Variants in TMEFF2 observed in about 807,000 individuals in gnomAD.
TMEFF2 encodes the protein tomoregulin-2.
TMEFF2 carries 28 observed loss-of-function variants against 53.8 expected under a neutral mutation model. The observed-to-expected ratio is 0.52, with a 90% confidence interval of 0.39 to 0.71. TMEFF2 has a LOEUF of 0.71. Among genes scored for constraint, TMEFF2 ranks in the 30% least tolerant of loss-of-function variants. TMEFF2 has a pLI of 0.00. For missense variants in TMEFF2, 353 were observed against 455.2 expected (o/e 0.78, Z 2.04); for synonymous variants, 162 against 166.3 (o/e 0.97, Z 0.20).
At chr2:191,964,376 T>C (rs867810613) in intron 7 of TMEFF2, among the ~76,000 whole-genome samples, 1,120 of 27,448 alleles carry the variant, frequency 0.041, 16 homozygotes, top group Middle Eastern at 0.14. Context: ...TTCTTTCTCT[T>C]TCTTTCTTTC....
At chr2:192,156,616 G>T (rs1253020116) in intron 4 of TMEFF2, among the ~76,000 whole-genome samples, 1 of 151,974 alleles carries the variant, frequency 6.6e-6, no homozygotes, top group Non-Finnish European at 1.5e-5. Flanking sequence ...TATAAACAGG[G>T]TATATCACCA....
At chr2:192,178,923 A>C (rs1691116939) in intron 4 of TMEFF2, 5 of 151,144 alleles carry the variant, frequency 3.3e-5, no homozygotes, top group Non-Finnish European at 7.4e-5. Flanking sequence ...TAAAAGTCTA[A>C]TTTTGTTTGA....
At chr2:192,165,109 C>T (rs900576676) in intron 4 of TMEFF2, among the ~76,000 whole-genome samples, 5 of 152,016 alleles carry the variant, frequency 3.3e-5, no homozygotes, top group Non-Finnish European at 5.9e-5. Context: ...TGCCGTATTT[C>T]TCCTTAATAG....
chr2:192,105,880 A>T (rs1252122619), intron 4 of TMEFF2, among the ~76,000 whole-genome samples: 2 of 151,934 alleles, frequency 1.3e-5, no homozygotes, highest in Non-Finnish European at 2.9e-5. Context: ...TTGTGTCAGA[A>T]ATAGGGTGCT....
intron 7 of TMEFF2, among the ~76,000 whole-genome samples, chr2:191,958,947 A>G (rs559569201): frequency 6.6e-6 from 1 of 152,352 alleles, no homozygotes; most frequent in African/African-American, 2.4e-5. Flanking sequence ...GACATATTTT[A>G]GAAACAAGAT....
chr2:192,194,826 G>A lies in TMEFF2; in HGVS notation c.-302C>T, dbSNP rs1691567120. On this transcript the variant is annotated 5_prime_UTR_variant, in exon 1 of 10. Transcript: ENST00000272771. This position sits in a 1 kb window ranked among gnomAD's most constrained non-coding sequence, Gnocchi z 4.2. ...GGAAGCCGGAGGACAGGAGGAGACG[G>A]GAGTCCAGGGGCAGACGAGTGGAGC... 4.8e-6 allele frequency: 2 copies of A among 413,736 alleles called. No homozygotes were observed. Among genetic ancestry groups the A allele is most frequent in the South Asian group, 2.5e-5 (1 of 39,488 alleles). The allele number at this position is 413,736 out of a possible 1,614,324, so 25.6% of individuals were successfully genotyped here. A position where few individuals can be genotyped will look rare whatever the true frequency, so the allele number is the denominator to read the frequency against.
chr2:191,975,281 T>TG (rs397952333), intron 7 of TMEFF2, among the ~76,000 whole-genome samples: 4 of 116,138 alleles, frequency 3.4e-5, no homozygotes, highest in Admixed American at 9.0e-5. Flanking sequence ...TTTTTTTTTT[T>TG]GCCTAAAAAG....
intron 4 of TMEFF2, among the ~76,000 whole-genome samples, chr2:192,169,171 A>C (rs1307877934): frequency 2.0e-5 from 3 of 152,164 alleles, no homozygotes; most frequent in African/African-American, 7.2e-5. Flanking sequence ...ATTTGAATGA[A>C]TCAGACTGAT....
chr2:192,018,273 A>G (rs771519350), intron 5 of TMEFF2, among the ~76,000 whole-genome samples: 2 of 152,208 alleles, frequency 1.3e-5, no homozygotes, highest in African/African-American at 4.8e-5. Flanking sequence ...AGGAAAAACT[A>G]TCTAGCTGTG....
chr2:192,130,571 A>T (rs1295522079), intron 4 of TMEFF2, among the ~76,000 whole-genome samples: 1 of 151,978 alleles, frequency 6.6e-6, no homozygotes, highest in East Asian at 1.9e-4. Flanking sequence ...AACCCTGTGA[A>T]TTTCCTTCTC....
chr2:191,979,074 G>A (rs1456434456), intron 7 of TMEFF2, among the ~76,000 whole-genome samples: 1 of 152,126 alleles, frequency 6.6e-6, no homozygotes, highest in Non-Finnish European at 1.5e-5. Flanking sequence ...CTATATGGTA[G>A]TTTACATATT....
chr2:192,140,082 G>A (rs1375932859), intron 4 of TMEFF2, among the ~76,000 whole-genome samples: 1 of 152,120 alleles, frequency 6.6e-6, no homozygotes, highest in Non-Finnish European at 1.5e-5. Context: ...ATCTTGACAG[G>A]TTAAAGGGAT....
At chr2:192,133,702 C>A (rs910395326) in intron 4 of TMEFF2, among the ~76,000 whole-genome samples, 16 of 152,212 alleles carry the variant, frequency 1.1e-4, no homozygotes, top group African/African-American at 2.4e-5. Context: ...ACGGGTCATC[C>A]CAGCCTCTCT....
Position 191,949,481 on chromosome 2 carries a change from A to G in TMEFF2, c.*830T>C. ...TGAGAATTCACGATTTTGGTGTTTC[A>G]CATCTAGTGGTGTTATTACATTTTT... On this transcript the variant is annotated 3_prime_UTR_variant, in exon 10 of 10. Coordinates refer to ENST00000272771, the MANE Select transcript of TMEFF2 (RefSeq NM_016192.4). 1.0e-6 allele frequency: 1 copy of G among 985,348 alleles called. No individual in the cohort carries two copies. The highest frequency in any genetic ancestry group is 1.2e-6 in the Non-Finnish European group (1 of 829,916). The allele number at this position is 985,348 out of a possible 1,614,324, so 61.0% of individuals were successfully genotyped here. A position where few individuals can be genotyped will look rare whatever the true frequency, so the allele number is the denominator to read the frequency against.
chr2:192,182,582 T>C (rs923750017), intron 3 of TMEFF2, among the ~76,000 whole-genome samples: 2 of 151,964 alleles, frequency 1.3e-5, no homozygotes, highest in African/African-American at 4.8e-5. Flanking sequence ...AATGTGATTA[T>C]ATGCGCTGAC....
At chr2:192,044,451 A>G (rs1025199563) in intron 5 of TMEFF2, 2 of 152,208 alleles carry the variant, frequency 1.3e-5, no homozygotes, top group East Asian at 1.9e-4. Flanking sequence ...AAAGAGGAAC[A>G]ATGCCTAGTG....
chr2:192,057,454 A>T (rs1306632122), intron 5 of TMEFF2, among the ~76,000 whole-genome samples: 2 of 152,026 alleles, frequency 1.3e-5, no homozygotes, highest in Non-Finnish European at 2.9e-5. Flanking sequence ...GGCTTCAATG[A>T]TATTTTAGTG....
intron 5 of TMEFF2, among the ~76,000 whole-genome samples, chr2:192,011,434 AG>A (rs1367816920): frequency 2.0e-5 from 3 of 152,212 alleles, no homozygotes; most frequent in Admixed American, 6.5e-5. Flanking sequence ...AAAGACTGCA[AG>A]GGTGGTAGGA....
At chr2:192,002,037 A>T (rs202046434) in intron 5 of TMEFF2, among the ~76,000 whole-genome samples, 30 of 141,546 alleles carry the variant, frequency 2.1e-4, no homozygotes, top group Middle Eastern at 3.7e-3. Flanking sequence ...TTTATTTATT[A>T]TTTTTCAGTT....
Sources: allele counts gnomAD v4.1 joint callset (sites outside exome capture counted in the v4.1 genomes callset), GRCh38; gene constraint gnomAD v4.1.1; non-coding constraint Gnocchi (gnomAD v3.1); transcripts MANE v1.5; gene names NCBI Gene and HGNC (gene_info 2026-07-23, HGNC 2026-07-21).